The following MPPED2 variants were observed in gnomAD, a reference collection of about 807,000 sequenced individuals.
MPPED2 encodes metallophosphoesterase MPPED2.
A neutral mutation model predicts 33.0 loss-of-function variants in MPPED2; 5 were observed. That is an observed-to-expected ratio of 0.15 (90% confidence interval 0.08 to 0.32). The LOEUF (loss-of-function observed/expected upper bound fraction) is 0.32, where lower values mean the gene tolerates loss of function less well. Among genes scored for constraint, MPPED2 ranks in the 10% least tolerant of loss-of-function variants. The probability of loss-of-function intolerance (pLI) is 1.00; values close to 1 mark genes in which losing one functional copy is unlikely to be tolerated. For missense variants in MPPED2, 275 were observed against 372.1 expected, an observed-to-expected ratio of 0.74 and a Z score of 2.15; for synonymous variants, 136 against 141.9, an observed-to-expected ratio of 0.96 and a Z score of 0.29.
At chr11:30,408,592 G>A (rs1948027036), downstream of MPPED2, among the ~76,000 whole-genome samples, 1 of 152,162 alleles carries the variant, frequency 6.6e-6, no homozygotes, top group Admixed American at 6.5e-5. Flanking sequence ...TTACAGGTGT[G>A]AGCCACCGTG....
chr11:30,432,388 T>C (rs983925442), intron 4 of MPPED2, among the ~76,000 whole-genome samples: 24 of 151,754 alleles, frequency 1.6e-4, no homozygotes, highest in Admixed American at 1.5e-3. Context: ...AAATAGAACA[T>C]TGTGCAAGGT....
At chr11:30,437,728 C>T (rs1008963718) in intron 4 of MPPED2, among the ~76,000 whole-genome samples, 1 of 152,064 alleles carries the variant, frequency 6.6e-6, no homozygotes, top group African/African-American at 2.4e-5. Context: ...ATTATTAACC[C>T]TGGAAAATCA....
chr11:30,503,088 T>C (rs1055592539), intron 3 of MPPED2, among the ~76,000 whole-genome samples: 1 of 152,126 alleles, frequency 6.6e-6, no homozygotes, highest in African/African-American at 2.4e-5. Flanking sequence ...GTGGGAAGGA[T>C]CTGGTGGGAG....
intron 6 of MPPED2, among the ~76,000 whole-genome samples, chr11:30,389,473 G>A (rs1435643120): frequency 6.6e-6 from 1 of 152,204 alleles, no homozygotes; most frequent in Non-Finnish European, 1.5e-5. Context: ...TGCTATGCCA[G>A]CTTTTGCTTC....
chr11:30,402,930 A>C (rs773641678), intron 6 of MPPED2, among the ~76,000 whole-genome samples: 4 of 152,106 alleles, frequency 2.6e-5, no homozygotes, highest in Non-Finnish European at 4.4e-5. Flanking sequence ...TGGATTTTTA[A>C]TTTTGGTTAT....
chr11:30,490,405 C>T (rs1951924662), intron 4 of MPPED2, among the ~76,000 whole-genome samples: 1 of 152,180 alleles, frequency 6.6e-6, no homozygotes, highest in Admixed American at 6.5e-5. Context: ...TGCCTGATGC[C>T]TTTCTTCCAG....
At chr11:30,440,351 A>G (rs1949514669) in intron 4 of MPPED2, among the ~76,000 whole-genome samples, 1 of 151,038 alleles carries the variant, frequency 6.6e-6, no homozygotes, top group Admixed American at 6.6e-5. Flanking sequence ...AAAAAGTTTT[A>G]CTGGGACACA....
At chr11:30,531,316 GAA>G (rs1954512630) in intron 3 of MPPED2, among the ~76,000 whole-genome samples, 2 of 152,214 alleles carry the variant, frequency 1.3e-5, no homozygotes, top group South Asian at 4.1e-4. Context: ...GCAGCCAGGT[GAA>G]GAGAGGCACA....
intron 2 of MPPED2, among the ~76,000 whole-genome samples, chr11:30,561,639 A>G (rs1464497411): frequency 2.0e-5 from 3 of 152,180 alleles, no homozygotes; most frequent in African/African-American, 7.2e-5. Flanking sequence ...GAGGGTTATT[A>G]TCAAAGCCAA....
intron 6 of MPPED2, among the ~76,000 whole-genome samples, chr11:30,394,453 T>C (rs953033359): frequency 5.3e-5 from 8 of 152,190 alleles, no homozygotes; most frequent in Admixed American, 4.6e-4. Flanking sequence ...GGCTTTTTTT[T>C]AAATGGCCAT....
chr11:30,434,744 C>T (rs1167330943), intron 4 of MPPED2, among the ~76,000 whole-genome samples: 4 of 152,182 alleles, frequency 2.6e-5, no homozygotes, highest in African/African-American at 9.7e-5. Context: ...TAAGTGATAC[C>T]TTTCCGTTTT....
At chr11:30,498,326 C>T (rs571737243) in intron 3 of MPPED2, among the ~76,000 whole-genome samples, 7 of 152,070 alleles carry the variant, frequency 4.6e-5, no homozygotes, top group Middle Eastern at 3.4e-3. Context: ...GGCTCACACC[C>T]GGAATCCCAG....
At chr11:30,502,145 G>T (rs1268888723) in intron 3 of MPPED2, among the ~76,000 whole-genome samples, 2 of 152,168 alleles carry the variant, frequency 1.3e-5, no homozygotes, top group African/African-American at 4.8e-5. Flanking sequence ...CCAGAGAGGT[G>T]CTGCCACTTA....
chr11:30,438,452 G>A (rs1949418839), intron 4 of MPPED2, among the ~76,000 whole-genome samples: 1 of 152,198 alleles, frequency 6.6e-6, no homozygotes, highest in Non-Finnish European at 1.5e-5. Flanking sequence ...GCTGAGCTAG[G>A]TTTTGGATGC....
intron 2 of MPPED2, among the ~76,000 whole-genome samples, chr11:30,549,093 T>A (rs1955579773): frequency 6.6e-6 from 1 of 152,226 alleles, no homozygotes; most frequent in African/African-American, 2.4e-5. Flanking sequence ...CCACATTTTA[T>A]ACAGATCGAA....
At chr11:30,451,384 C>T (rs1237685806) in intron 4 of MPPED2, among the ~76,000 whole-genome samples, 1 of 152,322 alleles carries the variant, frequency 6.6e-6, no homozygotes, top group Non-Finnish European at 1.5e-5. Context: ...CCACTGCTAA[C>T]CTGGCCCCCC....
At chr11:30,546,364 G>A (rs1365491449) in intron 2 of MPPED2, among the ~76,000 whole-genome samples, 1 of 152,058 alleles carries the variant, frequency 6.6e-6, no homozygotes, top group Non-Finnish European at 1.5e-5. Context: ...TGTTGTAGGG[G>A]AGAGAGTTGG....
At chr11:30,426,854 C>T (rs896777134) in intron 4 of MPPED2, among the ~76,000 whole-genome samples, 2 of 152,112 alleles carry the variant, frequency 1.3e-5, no homozygotes, top group Admixed American at 6.6e-5. Flanking sequence ...CTGGTGTGAG[C>T]GGGAGGGAGG....
chr11:30,443,178 T>A (rs2133908349), intron 4 of MPPED2, among the ~76,000 whole-genome samples: 1 of 152,144 alleles, frequency 6.6e-6, no homozygotes, highest in African/African-American at 2.4e-5. Context: ...AATGCTACTT[T>A]AAAAAAATAA....
Sources: allele counts gnomAD v4.1 joint callset (sites outside exome capture counted in the v4.1 genomes callset), GRCh38; gene constraint gnomAD v4.1.1; transcripts MANE v1.5; gene names NCBI Gene and HGNC (gene_info 2026-07-23, HGNC 2026-07-21).